Variants in ZNF701 observed in about 807,000 individuals in gnomAD.
The protein encoded by ZNF701 is zinc finger protein 701.
A neutral mutation model predicts 7.1 loss-of-function variants in ZNF701; 6 were observed. The observed-to-expected ratio is 0.84, with a 90% confidence interval of 0.46 to 1.66. ZNF701 has a LOEUF of 1.66. ZNF701 is among the 40% of genes most tolerant of loss of function. The pLI is 0.01. For synonymous variants in ZNF701, 166 were observed against 188.2 expected (o/e 0.88, Z 0.97); for missense variants, 541 against 559.2 (o/e 0.97, Z 0.33).
chr19:52,575,368 G>A (rs2059927494), intron 2 of ZNF701, among the ~76,000 whole-genome samples: 1 of 151,802 alleles, frequency 6.6e-6, no homozygotes, highest in African/African-American at 2.4e-5. Flanking sequence ...ACACACATAT[G>A]TATATATTTT....
intron 1 of ZNF701, chr19:52,572,572 T>C (rs941418110): frequency 2.1e-5 from 8 of 377,168 alleles, no homozygotes; most frequent in African/African-American, 1.7e-4. Context: ...CAGGCCACCA[T>C]GTAAGAATTC....
intron 3 of ZNF701, among the ~76,000 whole-genome samples, chr19:52,577,142 C>T (rs1888928659): frequency 6.6e-6 from 1 of 152,154 alleles, no homozygotes; most frequent in South Asian, 2.1e-4. Flanking sequence ...CTGTGTTGCC[C>T]AGGCTACAGT....
chr19:52,582,241 CA>C lies in ZNF701; in HGVS notation c.183del (p.Gly62AspfsTer52). ...TGCATGATGAAGATGTTCTCATCAA[CA>C]GGACAAGGCAATACAGAAGTGGTCC... is the stretch of plus-strand genomic sequence containing the variant. ...SKCMMKMFSS[T>X]GQGNTEVVHT... On this transcript the variant is annotated frameshift_variant, in exon 4 of 4. Transcript: ENST00000391785. LOFTEE classifies it low-confidence loss of function (END_TRUNC). 6.3e-7 allele frequency: 1 copy of C among 1,589,982 alleles called. No individual in the cohort carries two copies. Among genetic ancestry groups the C allele is most frequent in the Non-Finnish European group, 8.6e-7 (1 of 1,168,740 alleles).
In ZNF701 at chr19:52,583,757, C is replaced by T; in HGVS notation, c.*300C>T. The T allele has an allele frequency of 2.9e-6, 2 of 680,140 alleles. No individual in the cohort carries two copies. Among genetic ancestry groups the T allele is most frequent in the Admixed American group, 2.2e-5 (1 of 45,266 alleles). The allele number at this position is 680,140 out of a possible 1,614,324, so 42.1% of individuals were successfully genotyped here. Reference sequence around the variant, plus strand: ...TTGGTGGTCAGTCAACACTTACTCACCATCAAGCAATCCATGGTATAGGGA... The same window carrying T: ...TTGGTGGTCAGTCAACACTTACTCATCATCAAGCAATCCATGGTATAGGGA... On this transcript the variant is annotated 3_prime_UTR_variant, in exon 4 of 4. Transcript: ENST00000391785.
chr19:52,573,540 A>G (rs2059913566), intron 1 of ZNF701, among the ~76,000 whole-genome samples: 1 of 150,746 alleles, frequency 6.6e-6, no homozygotes, highest in African/African-American at 2.4e-5. Context: ...CCCAGCCCCA[A>G]TTTTTGTGTT....
downstream of ZNF701, among the ~76,000 whole-genome samples, chr19:52,588,354 C>T (rs2060023422): frequency 6.6e-6 from 1 of 151,802 alleles, no homozygotes; most frequent in African/African-American, 2.4e-5. Flanking sequence ...GGCCTGGCAG[C>T]GCATGCCTGT....
At position 52,584,668 on chromosome 19, in the gene ZNF701, TCTTA is replaced by T. The variant is rs1351552299; in HGVS notation, c.*1215_*1218del. The T allele has an allele frequency of 6.6e-6, 1 of 152,258 alleles. No homozygotes were observed. The highest frequency in any genetic ancestry group is 6.5e-5 in the Admixed American group (1 of 15,286). 9.4% of individuals were successfully genotyped at this position (152,258 alleles called of 1,614,324 possible). A position where few individuals can be genotyped will look rare whatever the true frequency, so the allele number is the denominator to read the frequency against. On this transcript the variant is annotated 3_prime_UTR_variant, in exon 4 of 4. Coordinates refer to ENST00000391785, the MANE Select transcript of ZNF701 (RefSeq NM_018260.3). ...TTTTTTATGTTTATTCCTAAGTATTTCTTACTTTAAGATCTCTAGCAAATGGAAG... is the reference window on the plus strand; with the variant it reads ...TTTTTTATGTTTATTCCTAAGTATTTCTTTAAGATCTCTAGCAAATGGAAG...
the ZNF701 span, among the ~76,000 whole-genome samples, chr19:52,599,803 G>A: frequency 6.6e-6 from 1 of 152,032 alleles, no homozygotes; most frequent in Non-Finnish European, 1.5e-5. Flanking sequence ...AGTTTCTGTC[G>A]GATTGTAGGA....
chr19:52,593,412 A>AC, the ZNF701 span, among the ~76,000 whole-genome samples: 3 of 106,762 alleles, frequency 2.8e-5, 1 homozygote, highest in Non-Finnish European at 6.0e-5. Flanking sequence ...CGGGGGGCTG[A>AC]CCCCCCCACC....
At chr19:52,597,089 C>G in the ZNF701 span, 4 of 1,146,792 alleles carry the variant, frequency 3.5e-6, no homozygotes, top group Admixed American at 5.4e-5. Context: ...ACAGATCTTA[C>G]AAGTGTAATA....
intron 1 of ZNF701, chr19:52,572,660 T>C (rs1198853451): frequency 3.7e-5 from 13 of 347,412 alleles, no homozygotes; most frequent in Non-Finnish European, 6.7e-5. Context: ...ATGTCACAGC[T>C]AAATCTAAAG....
chr19:52,574,586 A>T (rs776599786), intron 2 of ZNF701, among the ~76,000 whole-genome samples: 8 of 152,166 alleles, frequency 5.3e-5, no homozygotes, highest in African/African-American at 9.7e-5. Flanking sequence ...AATAAGGGAA[A>T]ATCTTTTCTC....
chr19:52,597,953 C>G, the ZNF701 span: 1 of 154,536 alleles, frequency 6.5e-6, no homozygotes, highest in Non-Finnish European at 1.4e-5. Context: ...CACAGGGATG[C>G]CTCCTGTCCA....
chr19:52,592,249 G>T, the ZNF701 span: 1 of 1,566,190 alleles, frequency 6.4e-7, no homozygotes, highest in Non-Finnish European at 8.8e-7. Flanking sequence ...TATCCCTCCA[G>T]ACATGAGGAA....
chr19:52,591,650 G>A (rs1166069375), downstream of ZNF701, among the ~76,000 whole-genome samples: 1 of 152,084 alleles, frequency 6.6e-6, no homozygotes, highest in Non-Finnish European at 1.5e-5. Flanking sequence ...CACCACACCT[G>A]TGTTCAAGCA....
At chr19:52,588,320 TAGTAAA>T (rs2060023338), downstream of ZNF701, among the ~76,000 whole-genome samples, 2 of 151,806 alleles carry the variant, frequency 1.3e-5, no homozygotes. Context: ...ACCCCATCTC[TAGTAAA>T]AATAGAAAAA....
intron 1 of ZNF701, among the ~76,000 whole-genome samples, chr19:52,571,351 G>C (rs904135968): frequency 2.0e-5 from 3 of 152,022 alleles, no homozygotes; most frequent in Admixed American, 2.0e-4. Context: ...GGGATCTGGG[G>C]TGCTAGAGAG....
the ZNF701 span, among the ~76,000 whole-genome samples, chr19:52,594,580 C>A: frequency 6.6e-6 from 1 of 151,276 alleles, no homozygotes; most frequent in Admixed American, 6.6e-5. Flanking sequence ...ATGGTGCGAT[C>A]TCGGCTCACT....
chr19:52,583,397 T>C lies in ZNF701; in HGVS notation c.1338T>C (p.Val446=). ...KPYKCNECGK[V]FNRKSNLERH... ...ACAAGTGTAATGAATGTGGCAAGGT[T>C]TTTAATCGAAAATCAAACCTTGAAC... Residue 446 remains valine (V), a synonymous_variant, in exon 4 of 4, where the codon GTT becomes GTC. Coordinates refer to ENST00000391785, the MANE Select transcript of ZNF701 (RefSeq NM_018260.3). 1 of 1,613,676 alleles carries C rather than the reference T, an allele frequency of 6.2e-7. No individual in the cohort carries two copies. Among genetic ancestry groups the C allele is most frequent in the Non-Finnish European group, 8.5e-7 (1 of 1,179,772 alleles).
Sources: allele counts gnomAD v4.1 joint callset (sites outside exome capture counted in the v4.1 genomes callset), GRCh38; gene constraint gnomAD v4.1.1; transcripts MANE v1.5; gene names NCBI Gene and HGNC (gene_info 2026-07-23, HGNC 2026-07-21).